The following COL14A1 variants were observed in gnomAD, a reference collection of about 807,000 sequenced individuals.
The protein encoded by COL14A1 is collagen type XIV alpha 1 chain.
A neutral mutation model predicts 230.3 loss-of-function variants in COL14A1; 136 were observed. That is an observed-to-expected ratio of 0.59 (90% CI 0.51 to 0.68). The LOEUF is 0.68. Among genes scored for constraint, COL14A1 ranks in the 30% least tolerant of loss-of-function variants. The pLI, the probability that COL14A1 is intolerant of heterozygous loss-of-function variation, is 0.00. For synonymous variants in COL14A1, 792 were observed against 784.1 expected (o/e 1.01, Z -0.17); for missense variants, 1,976 against 2,215.8 (o/e 0.89, Z 2.17).
intron 19 of COL14A1, among the ~76,000 whole-genome samples, chr8:120,241,410 G>A (rs1818605099): frequency 1.3e-5 from 2 of 152,172 alleles, no homozygotes; most frequent in African/African-American, 4.8e-5. Context: ...TGCAGGAACA[G>A]CTGGTTGGAT....
chr8:120,198,949 G>A (rs1018631340), intron 7 of COL14A1, among the ~76,000 whole-genome samples: 7 of 152,144 alleles, frequency 4.6e-5, no homozygotes, highest in Non-Finnish European at 7.4e-5. Flanking sequence ...TGCTCAAAAG[G>A]CAGGAGTACG....
intron 1 of COL14A1, among the ~76,000 whole-genome samples, chr8:120,138,491 C>T (rs886656712): frequency 6.6e-6 from 1 of 152,130 alleles, no homozygotes. Context: ...GCCAGTAAGA[C>T]AGCAGCTTTC....
At chr8:120,289,979 G>A (rs1027444279) in intron 34 of COL14A1, among the ~76,000 whole-genome samples, 1 of 152,090 alleles carries the variant, frequency 6.6e-6, no homozygotes, top group Non-Finnish European at 1.5e-5. Context: ...CAAAGCTTGT[G>A]GTAGTATGCT....
At chr8:120,371,058 A>C in intron 47 of COL14A1, 94 bp from the exon 48 acceptor site, 1 of 1,156,240 alleles carries the variant, frequency 8.6e-7, no homozygotes, top group Admixed American at 2.2e-5. Flanking sequence ...ACCCAGCAGG[A>C]TATCTCTGTG....
At chr8:120,192,219 G>A (rs1816851098) in intron 5 of COL14A1, among the ~76,000 whole-genome samples, 1 of 152,086 alleles carries the variant, frequency 6.6e-6, no homozygotes, top group Non-Finnish European at 1.5e-5. Context: ...CTTCCTTCAG[G>A]AGCTCTTTTA....
intron 13 of COL14A1, among the ~76,000 whole-genome samples, chr8:120,212,904 A>G (rs944614883): frequency 1.3e-5 from 2 of 152,146 alleles, no homozygotes; most frequent in African/African-American, 4.8e-5. Context: ...AGCTCAACTC[A>G]TATTTTAGCC....
intron 23 of COL14A1, among the ~76,000 whole-genome samples, chr8:120,262,427 G>A (rs1052434316): frequency 6.6e-6 from 1 of 151,784 alleles, no homozygotes; most frequent in African/African-American, 2.4e-5. Flanking sequence ...AGCTGAGATC[G>A]CACCATTGCA....
At chr8:120,365,947 C>G (rs755649673) in intron 45 of COL14A1, among the ~76,000 whole-genome samples, 6 of 152,140 alleles carry the variant, frequency 3.9e-5, no homozygotes, top group Admixed American at 6.5e-5. Flanking sequence ...TGCAAGAGAT[C>G]ATTACGGGGA....
intron 34 of COL14A1, among the ~76,000 whole-genome samples, chr8:120,293,554 G>T (rs575594611): frequency 6.6e-6 from 1 of 151,922 alleles, no homozygotes; most frequent in East Asian, 1.9e-4. Context: ...GAGAAACTGA[G>T]ACTTTAAGAA....
chr8:120,220,690 C>T (rs2130789660), intron 14 of COL14A1, among the ~76,000 whole-genome samples: 1 of 152,298 alleles, frequency 6.6e-6, no homozygotes, highest in East Asian at 1.9e-4. Flanking sequence ...TTACCCCTCT[C>T]CCCAACTTTT....
intron 1 of COL14A1, among the ~76,000 whole-genome samples, chr8:120,145,534 G>A (rs1258735698): frequency 6.6e-6 from 1 of 152,086 alleles, no homozygotes; most frequent in Admixed American, 6.6e-5. Context: ...CAGGAGAATC[G>A]CTTGAACCCA....
At chr8:120,353,454 A>G (rs1329929583) in intron 45 of COL14A1, among the ~76,000 whole-genome samples, 1 of 125,220 alleles carries the variant, frequency 8.0e-6, no homozygotes, top group Non-Finnish European at 1.7e-5. Flanking sequence ...TGAACAGGCA[A>G]CCTACAAAAT....
At chr8:120,322,325 C>T (rs1331882570) in intron 40 of COL14A1, among the ~76,000 whole-genome samples, 3 of 152,088 alleles carry the variant, frequency 2.0e-5, no homozygotes, top group Non-Finnish European at 4.4e-5. Flanking sequence ...CACCATGGCA[C>T]ACATTTACCT....
intron 8 of COL14A1, among the ~76,000 whole-genome samples, chr8:120,203,474 G>A (rs1309782198): frequency 1.3e-5 from 2 of 151,958 alleles, no homozygotes; most frequent in Non-Finnish European, 1.5e-5. Context: ...TGAATAATTT[G>A]TTAGAATCAG....
At chr8:120,312,805 T>A (rs916293078) in intron 37 of COL14A1, among the ~76,000 whole-genome samples, 1 of 152,192 alleles carries the variant, frequency 6.6e-6, no homozygotes. Flanking sequence ...AATGCCTTTT[T>A]TTCTGTATTC....
chr8:120,164,430 C>T (rs915690743), intron 4 of COL14A1, among the ~76,000 whole-genome samples: 3 of 151,872 alleles, frequency 2.0e-5, no homozygotes, highest in African/African-American at 7.3e-5. Context: ...TTTTCTCTTC[C>T]TCTTGTTGGT....
At chr8:120,341,258 A>G in intron 42 of COL14A1, 67 bp from the exon 43 acceptor site, 3 of 1,465,290 alleles carry the variant, frequency 2.0e-6, no homozygotes. Flanking sequence ...ATAAGAAAAG[A>G]TGCATGATTA....
intron 1 of COL14A1, among the ~76,000 whole-genome samples, chr8:120,134,898 C>T (rs1814659251): frequency 6.6e-6 from 1 of 152,148 alleles, no homozygotes; most frequent in South Asian, 2.1e-4. Flanking sequence ...TTGCTTGAAC[C>T]TGGGAGGTGG....
chr8:120,296,134 TATC>T (rs1418056950), intron 34 of COL14A1, among the ~76,000 whole-genome samples: 1 of 151,760 alleles, frequency 6.6e-6, no homozygotes, highest in African/African-American at 2.4e-5. Flanking sequence ...CAGTCTCAGT[TATC>T]ATACTCTTGG....
Sources: gnomAD v4.1 joint callset for allele counts (sites outside exome capture counted in the v4.1 genomes callset) on GRCh38, gnomAD v4.1.1 for gene constraint, MANE v1.5 for transcripts, NCBI Gene and HGNC (gene_info 2026-07-23, HGNC 2026-07-21) for gene names.